The following MOCOS variants were observed in gnomAD, a reference collection of about 807,000 sequenced individuals.
The protein encoded by MOCOS is human molybdenum cofactor sulfurase.
A neutral mutation model predicts 83.6 loss-of-function variants in MOCOS; 86 were observed. The ratio of observed to expected loss-of-function variants is 1.03; its 90% CI spans 0.86 to 1.23. MOCOS has a LOEUF of 1.23. Among genes scored for constraint, MOCOS ranks in the 50% most tolerant of loss-of-function variants. The pLI is 0.00. For missense variants in MOCOS, 1,120 were observed against 1,126.9 expected, an observed-to-expected ratio of 0.99 and a Z score of 0.09; for synonymous variants, 445 against 434.7, an observed-to-expected ratio of 1.02 and a Z score of -0.29.
chr18:36,252,988 G>A (rs942775235), intron 11 of MOCOS, among the ~76,000 whole-genome samples: 1 of 152,170 alleles, frequency 6.6e-6, no homozygotes, highest in Non-Finnish European at 1.5e-5. Flanking sequence ...GTTGGGGTAT[G>A]GATAAGCTTA....
chr18:36,188,997 A>G (rs1330491171), intron 1 of MOCOS, among the ~76,000 whole-genome samples: 1 of 151,994 alleles, frequency 6.6e-6, no homozygotes, highest in Non-Finnish European at 1.5e-5. Flanking sequence ...ATGAATGCCT[A>G]CAGGTGCTGG....
intron 9 of MOCOS, among the ~76,000 whole-genome samples, chr18:36,229,812 AG>A (rs1201138248): frequency 2.0e-5 from 3 of 151,826 alleles, no homozygotes; most frequent in Non-Finnish European, 4.4e-5. Context: ...TAAATTTTTT[AG>A]TTCAGTTACT....
intron 1 of MOCOS, among the ~76,000 whole-genome samples, chr18:36,194,982 TG>T (rs1198617608): frequency 6.6e-6 from 1 of 152,236 alleles, no homozygotes; most frequent in Non-Finnish European, 1.5e-5. Context: ...GAATGTCTGC[TG>T]GGCGTCTTCT....
Position 36,271,619 on chromosome 18 carries a change from C to G in MOCOS, c.*2934C>G, listed in dbSNP as rs1322217728. On this transcript the variant is annotated 3_prime_UTR_variant, in exon 15 of 15. Transcript: ENST00000261326. Reference sequence around the variant, plus strand: ...CTTGAATTTAATTCTAACACCAAACCTTGGTGTTAGAGTCACAAAAAGTCC... The same window carrying G: ...CTTGAATTTAATTCTAACACCAAACGTTGGTGTTAGAGTCACAAAAAGTCC... The G allele has an allele frequency of 6.6e-6, 1 of 152,108 alleles. No homozygotes were observed. Among genetic ancestry groups the G allele is most frequent in the East Asian group, 1.9e-4 (1 of 5,186 alleles). The allele number at this position is 152,108 out of a possible 1,614,324, so 9.4% of individuals were successfully genotyped here. A position where few individuals can be genotyped will look rare whatever the true frequency, so the allele number is the denominator to read the frequency against.
At chr18:36,265,506 A>G (rs552688944) in intron 13 of MOCOS, among the ~76,000 whole-genome samples, 17 of 152,318 alleles carry the variant, frequency 1.1e-4, no homozygotes, top group Middle Eastern at 3.4e-3. Context: ...CCCGTGAGTG[A>G]GCTGAGGAGA....
At chr18:36,205,793 G>A (rs1362096068) in intron 6 of MOCOS, among the ~76,000 whole-genome samples, 2 of 152,176 alleles carry the variant, frequency 1.3e-5, no homozygotes, top group Non-Finnish European at 1.5e-5. Flanking sequence ...AGGCTGGCAT[G>A]CAATGGCATG....
intron 9 of MOCOS, among the ~76,000 whole-genome samples, chr18:36,239,481 G>A (rs1219615140): frequency 6.6e-6 from 1 of 151,650 alleles, no homozygotes; most frequent in Admixed American, 6.6e-5. Context: ...CTTCTGGCTT[G>A]TAGGGTTTCT....
chr18:36,213,657 G>A (rs562581784), intron 7 of MOCOS, among the ~76,000 whole-genome samples, 175 bp downstream of exon 7: 1 of 152,222 alleles, frequency 6.6e-6, no homozygotes, highest in African/African-American at 2.4e-5. Context: ...GGCCGGGTGC[G>A]GTGGCTCACG....
rs148031616 is a variant in MOCOS, at chr18:36,260,561, C to T, written c.2409+386C>T. Among the ~76,000 whole-genome samples, 825 of 152,266 alleles carry T rather than the reference C, an allele frequency of 5.4e-3. 5 individuals are homozygous for T. Among genetic ancestry groups the T allele is most frequent in the African/African-American group, 0.019 (785 of 41,560 alleles). ...TGTGGAGGGAGGCCCAGAAGCCTGG[C>T]GGTGCCTCTTTGCCCATGGCCACCC... On this transcript the variant is annotated intron_variant, in intron 13 of 14. Transcript: ENST00000261326.
At chr18:36,199,633 AGTGCT>A in intron 3 of MOCOS, 45 bp from the exon 4 acceptor site, 1 of 1,610,532 alleles carries the variant, frequency 6.2e-7, no homozygotes, top group Middle Eastern at 2.2e-4. Flanking sequence ...GCAAACATTC[AGTGCT>A]GGGGCTGAGA....
At chr18:36,258,764 T>G (rs1215850903) in intron 12 of MOCOS, among the ~76,000 whole-genome samples, 1 of 152,210 alleles carries the variant, frequency 6.6e-6, no homozygotes, top group Non-Finnish European at 1.5e-5. Context: ...CTATGCTCCA[T>G]CATTTTCAGA....
intron 9 of MOCOS, among the ~76,000 whole-genome samples, chr18:36,243,969 A>C (rs1481646256): frequency 1.3e-5 from 2 of 151,962 alleles, no homozygotes; most frequent in African/African-American, 4.8e-5. Flanking sequence ...AATATTGCCC[A>C]TTTCATTTCT....
At position 36,215,953 on chromosome 18, in the gene MOCOS, A is replaced by C. The variant is rs780546274; in HGVS notation, c.1773A>C (p.Pro591=). Residue 591 remains proline, a synonymous_variant, in exon 8 of 15, where the codon CCA becomes CCC. Coordinates refer to ENST00000261326, the MANE Select transcript of MOCOS (RefSeq NM_017947.4). ...PHVVTNLYLY[P]IKSCAAFEVT... is the part of the protein sequence containing the mutation. ...TTGTCACTAACCTTTATCTCTATCC[A>C]ATCAAATCCTGTGCTGCATTTGAGG... 80 of 1,613,334 alleles carry C rather than the reference A, an allele frequency of 5.0e-5. No individual in the cohort carries two copies. The highest frequency in any genetic ancestry group is 6.1e-5 in the Non-Finnish European group (72 of 1,179,882).
intron 9 of MOCOS, among the ~76,000 whole-genome samples, chr18:36,243,998 C>A (rs1480636195): frequency 6.6e-6 from 1 of 151,724 alleles, no homozygotes; most frequent in Non-Finnish European, 1.5e-5. Context: ...TTATTTGAAT[C>A]TTCTCTCTTC....
chr18:36,236,011 A>G (rs1452174144), intron 9 of MOCOS, among the ~76,000 whole-genome samples: 2 of 144,858 alleles, frequency 1.4e-5, no homozygotes, highest in African/African-American at 2.6e-5. Context: ...GTTTGAGTTC[A>G]TTGTAGATTC....
intron 2 of MOCOS, among the ~76,000 whole-genome samples, chr18:36,196,986 A>G (rs535803148): frequency 2.6e-5 from 4 of 152,264 alleles, no homozygotes; most frequent in Admixed American, 1.3e-4. Flanking sequence ...GTCAGGCCCT[A>G]CCAAAGCCTG....
At chr18:36,240,969 G>A (rs2091580052) in intron 9 of MOCOS, among the ~76,000 whole-genome samples, 1 of 152,022 alleles carries the variant, frequency 6.6e-6, no homozygotes, top group African/African-American at 2.4e-5. Context: ...CCCGAGTGAG[G>A]CAATGCCTCG....
Position 36,266,800 on chromosome 18 carries a change from G to A in MOCOS, c.2461G>A (p.Gly821Arg). The change falls in exon 14 of 15, where the codon GGG (glycine) becomes AGG (arginine). Residue 821 changes from glycine to arginine, a missense_variant. Transcript: ENST00000261326. ...GATGATTTGCATCGACCAGCAAACT[G>A]GGCAACGAAACCAGCATGTTTTCCA... is the stretch of plus-strand genomic sequence containing the variant. ...CQMICIDQQT[G>R]QRNQHVFQKL... 1 of 1,614,056 alleles carries A rather than the reference G, an allele frequency of 6.2e-7. No homozygotes were observed. Among genetic ancestry groups the A allele is most frequent in the Non-Finnish European group, 8.5e-7 (1 of 1,180,042 alleles).
intron 8 of MOCOS, among the ~76,000 whole-genome samples, chr18:36,219,608 G>A (rs2091488294): frequency 6.6e-6 from 1 of 152,142 alleles, no homozygotes; most frequent in South Asian, 2.1e-4. Flanking sequence ...AAACCCAGGA[G>A]GCAGAGGTTG....
Sources: allele counts gnomAD v4.1 joint callset (sites outside exome capture counted in the v4.1 genomes callset), GRCh38; gene constraint gnomAD v4.1.1; transcripts MANE v1.5; gene names NCBI Gene and HGNC (gene_info 2026-07-23, HGNC 2026-07-21).